SLC24A3: variants seen among roughly 807,000 people sequenced by gnomAD.
SLC24A3 encodes the protein sodium/potassium/calcium exchanger 3.
SLC24A3 carries 28 observed loss-of-function variants against 75.8 expected under a neutral mutation model. The observed-to-expected ratio is 0.37, with a 90% CI of 0.27 to 0.51. The LOEUF (loss-of-function observed/expected upper bound fraction) is 0.51, where lower values mean the gene tolerates loss of function less well. SLC24A3 is among the 20% of genes least tolerant of loss of function. SLC24A3 has a pLI of 0.94. For synonymous variants in SLC24A3, 372 were observed against 334.1 expected, an observed-to-expected ratio of 1.11 and a Z score of -1.24; for missense variants, 663 against 847.8, an observed-to-expected ratio of 0.78 and a Z score of 2.71.
chr20:19,685,070 C>T (rs751395339), intron 11 of SLC24A3, 30 bp from the exon 12 acceptor site: 94 of 1,571,034 alleles, frequency 6.0e-5, no homozygotes, highest in Middle Eastern at 5.4e-4. Flanking sequence ...TCCCTCTGAC[C>T]GTGGTAAGAG....
chr20:19,286,965 C>T (rs558729473), intron 2 of SLC24A3, among the ~76,000 whole-genome samples: 2 of 152,308 alleles, frequency 1.3e-5, no homozygotes, highest in East Asian at 3.9e-4. Flanking sequence ...TTGTAATTCT[C>T]ATAATGATTC....
intron 9 of SLC24A3, among the ~76,000 whole-genome samples, chr20:19,679,285 G>A (rs1390460095): frequency 6.6e-6 from 1 of 152,184 alleles, no homozygotes; most frequent in African/African-American, 2.4e-5. Context: ...CGGATCACTC[G>A]CGGTTAGGAG....
rs112719034 is a variant in SLC24A3, at chr20:19,523,994, G to A, written c.348+8430G>A. ...GGAAATCAGCATCCCCCAGAAGAAG[G>A]CCTTAGACAGACAGGGGATTGGTGG... On this transcript the variant is annotated intron_variant, in intron 3 of 16. Transcript: ENST00000328041. Among the ~76,000 whole-genome samples the A allele has an allele frequency of 7.7e-3, 1,171 of 152,224 alleles. 8 individuals carry two copies. Among genetic ancestry groups the A allele is most frequent in the Non-Finnish European group, 0.012 (846 of 68,022 alleles).
At chr20:19,273,031 C>T (rs1983377509) in intron 1 of SLC24A3, among the ~76,000 whole-genome samples, 1 of 152,140 alleles carries the variant, frequency 6.6e-6, no homozygotes, top group African/African-American at 2.4e-5. Flanking sequence ...GTGCCACCCT[C>T]ACAACCAGCT....
In SLC24A3 at chr20:19,585,020, G is replaced by C; in HGVS notation, c.473G>C (p.Gly158Ala). 6.2e-7 allele frequency: 1 copy of C among 1,613,976 alleles called. No homozygotes were observed. The highest frequency in any genetic ancestry group is 1.1e-5 in the South Asian group (1 of 91,078). The change falls in exon 5 of 17, where the codon GGA becomes GCA. Residue 158 changes from glycine to alanine, a missense_variant. Physicochemically the swap from Gly to Ala is moderately conservative, Grantham distance 60. Coordinates refer to ENST00000328041, the MANE Select transcript of SLC24A3 (RefSeq NM_020689.4). ...DVAGATFMAA[G>A]SSAPELFTSV... ...GCTGGGGCCACATTCATGGCAGCGG[G>C]AAGTTCGGCCCCAGAGCTGTTCACA...
intron 2 of SLC24A3, among the ~76,000 whole-genome samples, chr20:19,396,799 G>A (rs1372406662): frequency 6.6e-6 from 1 of 152,156 alleles, no homozygotes; most frequent in East Asian, 1.9e-4. Flanking sequence ...ATGCAGTCAT[G>A]TCAAATCACG....
At chr20:19,492,331 T>C (rs1988221237) in intron 2 of SLC24A3, among the ~76,000 whole-genome samples, 1 of 152,236 alleles carries the variant, frequency 6.6e-6, no homozygotes, top group African/African-American at 2.4e-5. Context: ...CATGTGGCCT[T>C]GGGCAGATTA....
At chr20:19,486,673 T>G (rs931277977) in intron 2 of SLC24A3, among the ~76,000 whole-genome samples, 6 of 152,204 alleles carry the variant, frequency 3.9e-5, no homozygotes, top group African/African-American at 1.2e-4. Flanking sequence ...GAGGGTTATT[T>G]TTGTCTCCTG....
intron 15 of SLC24A3, among the ~76,000 whole-genome samples, chr20:19,699,995 C>A (rs1436221605): frequency 6.6e-6 from 1 of 152,168 alleles, no homozygotes; most frequent in Non-Finnish European, 1.5e-5. Context: ...AAACCAATGT[C>A]ATCAATTGTA....
chr20:19,315,074 C>T (rs1031807266), intron 2 of SLC24A3, among the ~76,000 whole-genome samples: 2 of 152,164 alleles, frequency 1.3e-5, no homozygotes, highest in Non-Finnish European at 2.9e-5. Flanking sequence ...GAGGCACCCG[C>T]GTTCTGTCCC....
intron 2 of SLC24A3, among the ~76,000 whole-genome samples, chr20:19,458,605 C>T (rs889059292): frequency 1.3e-5 from 2 of 152,168 alleles, no homozygotes; most frequent in African/African-American, 4.8e-5. Flanking sequence ...CTCTAGGTAC[C>T]TCATATAAGT....
chr20:19,292,934 T>C (rs1416584472), intron 2 of SLC24A3, among the ~76,000 whole-genome samples: 5 of 152,318 alleles, frequency 3.3e-5, no homozygotes, highest in African/African-American at 1.2e-4. Flanking sequence ...GGGAGCCCTT[T>C]GGAGTCTCTT....
intron 2 of SLC24A3, among the ~76,000 whole-genome samples, chr20:19,420,100 T>C (rs1422203755): frequency 1.8e-5 from 1 of 55,296 alleles, no homozygotes; most frequent in East Asian, 5.4e-4. Flanking sequence ...GTTCTTGCGA[T>C]AGTTTACTGA....
intron 2 of SLC24A3, among the ~76,000 whole-genome samples, chr20:19,419,413 T>C (rs1333443813): frequency 6.6e-6 from 1 of 152,108 alleles, no homozygotes; most frequent in Non-Finnish European, 1.5e-5. Flanking sequence ...AGAATATGTT[T>C]TGCAGAGGCT....
rs184616453 is a variant in SLC24A3 at position 19,644,966 on chromosome 20, T to C, written c.613-9096T>C. Among the ~76,000 whole-genome samples the C allele has an allele frequency of 1.7e-4, 26 of 152,346 alleles. No individual in the cohort carries two copies. The East Asian group carries it at 5.0e-3, about 29-fold the overall frequency. On this transcript the variant is annotated intron_variant, in intron 6 of 16. Coordinates refer to ENST00000328041, the MANE Select transcript of SLC24A3 (RefSeq NM_020689.4). The stretch of plus-strand genomic sequence containing the variant: ...CTTATTATACATGAAGCAACAACCA[T>C]AGCCACATGAGCTGTATCTGTGATG...
intron 2 of SLC24A3, among the ~76,000 whole-genome samples, chr20:19,319,055 T>G (rs1984646957): frequency 6.6e-6 from 1 of 152,140 alleles, no homozygotes; most frequent in African/African-American, 2.4e-5. Flanking sequence ...AGCCTCTGCT[T>G]CTTTTTGCCT....
chr20:19,242,622 A>G (rs1982362415), intron 1 of SLC24A3: 1 of 152,208 alleles, frequency 6.6e-6, no homozygotes, highest in African/African-American at 2.4e-5. Context: ...ACCTTCCTAC[A>G]GATATAAAAT....
intron 2 of SLC24A3, among the ~76,000 whole-genome samples, chr20:19,326,774 G>T (rs1332668094): frequency 6.6e-6 from 1 of 151,936 alleles, no homozygotes; most frequent in Non-Finnish European, 1.5e-5. Flanking sequence ...GTAGCGACAA[G>T]GTCTCACTGT....
In SLC24A3 at chr20:19,463,233, C is replaced by G. The variant is rs545648166; in HGVS notation, c.272-52255C>G. 2.6e-5 allele frequency among the ~76,000 whole-genome samples: 4 copies of G among 152,300 alleles called. No homozygotes were observed. In the East Asian group the frequency reaches 7.7e-4, roughly 29 times the overall value. The stretch of plus-strand genomic sequence containing the variant: ...CACGTGACTCCTGTTTTCTCTCTAT[C>G]GTAAACACACTGCATCCTTGTACAT... On this transcript the variant is annotated intron_variant, in intron 2 of 16. Coordinates refer to ENST00000328041, the MANE Select transcript of SLC24A3 (RefSeq NM_020689.4).
Sources: gnomAD v4.1 joint callset for allele counts (sites outside exome capture counted in the v4.1 genomes callset) on GRCh38, gnomAD v4.1.1 for gene constraint, MANE v1.5 for transcripts, NCBI Gene and HGNC (gene_info 2026-07-23, HGNC 2026-07-21) for gene names.